Variants in RHEB observed in about 807,000 individuals in gnomAD.
The protein encoded by RHEB is Ras homolog, mTORC1 binding.
Under a neutral mutation model 28.8 loss-of-function variants are expected in RHEB, and 2 were observed. The observed-to-expected ratio is 0.07, with a 90% CI of 0.03 to 0.22. The LOEUF (loss-of-function observed/expected upper bound fraction) is 0.22, where lower values mean the gene tolerates loss of function less well. Ranked by LOEUF, RHEB falls within the 10% of genes least tolerant of loss-of-function variation. The pLI, the probability that RHEB is intolerant of heterozygous loss-of-function variation, is 1.00. For missense variants in RHEB, 76 were observed against 219.9 expected, an observed-to-expected ratio of 0.35 and a Z score of 4.14; for synonymous variants, 69 against 77.3, an observed-to-expected ratio of 0.89 and a Z score of 0.56.
intron 7 of RHEB, among the ~76,000 whole-genome samples, chr7:151,469,806 A>G (rs1802128365): frequency 6.6e-6 from 1 of 152,162 alleles, no homozygotes; most frequent in South Asian, 2.1e-4. Flanking sequence ...AGAAACTAGA[A>G]AAGAACAAAT....
chr7:151,500,450 C>G (rs982897505), intron 1 of RHEB, among the ~76,000 whole-genome samples: 1 of 152,154 alleles, frequency 6.6e-6, no homozygotes, highest in African/African-American at 2.4e-5. Context: ...AAAATGCACA[C>G]TCCCAAAATA....
At chr7:151,518,280 G>T (rs1803117698) in intron 1 of RHEB, among the ~76,000 whole-genome samples, 2 of 152,192 alleles carry the variant, frequency 1.3e-5, no homozygotes, top group South Asian at 4.1e-4. Context: ...CTTGGTCAAA[G>T]AGCACAGACC....
chr7:151,480,988 T>A (rs1802373655), intron 3 of RHEB, among the ~76,000 whole-genome samples: 2 of 152,210 alleles, frequency 1.3e-5, no homozygotes, highest in African/African-American at 4.8e-5. Flanking sequence ...TTAACCCATT[T>A]ATGCCGGAGG....
intron 3 of RHEB, among the ~76,000 whole-genome samples, chr7:151,481,565 C>T (rs2150924987): frequency 6.6e-6 from 1 of 152,326 alleles, no homozygotes; most frequent in East Asian, 1.9e-4. Flanking sequence ...TTGTTATCAT[C>T]CAGTTTTCAA....
intron 2 of RHEB, among the ~76,000 whole-genome samples, chr7:151,489,957 G>A (rs771125708): frequency 1.3e-4 from 20 of 152,180 alleles, no homozygotes; most frequent in South Asian, 2.1e-4. Flanking sequence ...AATATGCTTC[G>A]TGTCTAATAT....
chr7:151,502,564 G>A (rs1802791943), intron 1 of RHEB: 3 of 1,128,308 alleles, frequency 2.7e-6, no homozygotes, highest in Middle Eastern at 2.7e-4. Context: ...TGTATTGTGT[G>A]ACAACAAATT....
chr7:151,478,700 ATC>A (rs1802318967), intron 3 of RHEB, among the ~76,000 whole-genome samples: 3 of 152,014 alleles, frequency 2.0e-5, no homozygotes. Flanking sequence ...CAATGGCACT[ATC>A]TCAGCTCACT....
At chr7:151,519,064 C>G (rs1010534896) in intron 1 of RHEB, 1 of 152,526 alleles carries the variant, frequency 6.6e-6, no homozygotes, top group Non-Finnish European at 1.5e-5. Flanking sequence ...CCGCCAGCCC[C>G]GGTCACGCGC....
chr7:151,486,632 T>G (rs1802480333), intron 2 of RHEB, among the ~76,000 whole-genome samples: 1 of 152,162 alleles, frequency 6.6e-6, no homozygotes, highest in African/African-American at 2.4e-5. Flanking sequence ...TTACTCTGAA[T>G]GTGAGGAGAA....
rs562550420 is a variant in RHEB at position 151,503,070 on chromosome 7, T to C, written c.53-12056A>G. The C allele has an allele frequency of 3.5e-5, 28 of 797,410 alleles. 1 individual carries two copies. In the East Asian group the frequency reaches 4.6e-4, roughly 13 times the overall value. 49.4% of individuals were successfully genotyped at this position (797,410 alleles called of 1,614,324 possible). A position where few individuals can be genotyped will look rare whatever the true frequency, so the allele number is the denominator to read the frequency against. ...GACACGCGAAAGTACTGTTTTGGCG[T>C]TGAAGATACACTAAAGACTTTGGAA... On this transcript the variant is annotated intron_variant, in intron 1 of 7. Coordinates refer to ENST00000262187, the MANE Select transcript of RHEB (RefSeq NM_005614.4).
chr7:151,491,147 T>G lies in RHEB; in HGVS notation c.53-133A>C. 8 of 622,916 alleles carry G rather than the reference T, an allele frequency of 1.3e-5. No individual in the cohort carries two copies. In the South Asian group the frequency reaches 1.6e-4, roughly 12 times the overall value. The allele number at this position is 622,916 out of a possible 1,614,324, so 38.6% of individuals were successfully genotyped here. ...CAGGGTCAGAAAACATTCATTTAAT[T>G]AGCATGTGAGCAATTTCAAAAAATG... On this transcript the variant is annotated intron_variant, in intron 1 of 7. Coordinates refer to ENST00000262187, the MANE Select transcript of RHEB (RefSeq NM_005614.4).
rs1294581220 is a variant in RHEB at position 151,477,403 on chromosome 7, T to G, written c.205A>C (p.Ile69Leu). 6.4e-6 allele frequency: 10 copies of G among 1,569,260 alleles called. No individual in the cohort carries two copies. Among genetic ancestry groups the G allele is most frequent in the East Asian group, 2.3e-5 (1 of 44,444 alleles). Residue 69 changes from isoleucine to leucine, a missense_variant, in exon 4 of 8, where the codon ATC (isoleucine) becomes CTC (leucine). Transcript: ENST00000262187. ...VDTAGQDEYS[I>L]FPQTYSIDIN... ...TCTATGGAGTATGTCTGAGGAAAGA[T>G]AGAATATTCATCCTGTGGGGAAAAA...
intron 1 of RHEB, among the ~76,000 whole-genome samples, chr7:151,494,841 G>GT (rs1563097337): frequency 6.6e-6 from 1 of 152,184 alleles, no homozygotes; most frequent in Admixed American, 6.5e-5. Flanking sequence ...CTAACATGCT[G>GT]TTTTTTGCCA....
At chr7:151,483,229 T>C (rs1802409276) in intron 3 of RHEB, among the ~76,000 whole-genome samples, 1 of 152,210 alleles carries the variant, frequency 6.6e-6, no homozygotes, top group Non-Finnish European at 1.5e-5. Flanking sequence ...CTTGCTTCAC[T>C]AAGGCATCAC....
Position 151,467,069 on chromosome 7 carries a change from G to T in RHEB, c.*50C>A. On this transcript the variant is annotated 3_prime_UTR_variant, in exon 8 of 8. Transcript: ENST00000262187. ...TATCTTCAAGGAGAACGGGCAGTTTGCTTCTTCAGGTAGAATATATTCCCA... is the reference window on the plus strand; with the variant it reads ...TATCTTCAAGGAGAACGGGCAGTTTTCTTCTTCAGGTAGAATATATTCCCA... 2.3e-6 allele frequency: 3 copies of T among 1,333,236 alleles called. No homozygotes were observed. Among genetic ancestry groups the T allele is most frequent in the Non-Finnish European group, 3.2e-6 (3 of 924,892 alleles). The allele number at this position is 1,333,236 out of a possible 1,614,324, so 82.6% of individuals were successfully genotyped here.
At chr7:151,503,286 T>C (rs1802806526) in intron 1 of RHEB, 1 of 792,110 alleles carries the variant, frequency 1.3e-6, no homozygotes, top group African/African-American at 1.7e-5. Context: ...TGGAATGGTT[T>C]GCTAACAACT....
rs1415097964 is a variant in RHEB at position 151,470,644 on chromosome 7, C to G, written c.389G>C (p.Ser130Thr). The part of the protein sequence containing the change: ...KKDLHMERVI[S>T]YEEGKALAES... ...TGCCAAAGCTTTCCCTTCTTCATAA[C>G]TGATCACCCTAAAGAAAAAATAAAA... The change falls in exon 7 of 8, where the codon AGT becomes ACT. Residue 130 changes from serine (S) to threonine (T), a missense_variant. Ser to Thr is a moderately conservative substitution (Grantham distance 58, BLOSUM62 1). Coordinates refer to ENST00000262187, the MANE Select transcript of RHEB (RefSeq NM_005614.4). 1 of 1,609,312 alleles carries G rather than the reference C, an allele frequency of 6.2e-7. No homozygotes were observed. The highest frequency in any genetic ancestry group is 1.7e-5 in the Admixed American group (1 of 59,858).
chr7:151,508,852 T>C (rs917334543), intron 1 of RHEB, among the ~76,000 whole-genome samples: 8 of 152,112 alleles, frequency 5.3e-5, no homozygotes, highest in Non-Finnish European at 1.0e-4. Context: ...ATCATATTAT[T>C]TGTATAAATT....
At chr7:151,470,333 AAT>A (rs1235907047) in intron 7 of RHEB, 12 of 320,984 alleles carry the variant, frequency 3.7e-5, no homozygotes, top group Non-Finnish European at 6.3e-5. Flanking sequence ...TTCCTTTACT[AAT>A]AGTTTCTGTT....
Sources: allele counts gnomAD v4.1 joint callset (sites outside exome capture counted in the v4.1 genomes callset), GRCh38; gene constraint gnomAD v4.1.1; transcripts MANE v1.5; gene names NCBI Gene and HGNC (gene_info 2026-07-23, HGNC 2026-07-21).